Variants in DDAH1 observed in about 807,000 individuals in gnomAD.
The protein encoded by DDAH1 is dimethylarginine dimethylaminohydrolase 1, also known as N(G),N(G)-dimethylarginine dimethylaminohydrolase 1.
DDAH1 carries 19 observed loss-of-function variants against 28.8 expected under a neutral mutation model. That is an observed-to-expected ratio of 0.66 (90% CI 0.46 to 0.97). DDAH1 has a LOEUF of 0.97. Among genes scored for constraint, DDAH1 ranks in the 50% least tolerant of loss-of-function variants. The pLI, the probability that DDAH1 is intolerant of heterozygous loss-of-function variation, is 0.00. For missense variants in DDAH1, 326 were observed against 375.9 expected (o/e 0.87, Z 1.10); for synonymous variants, 153 against 154.4 (o/e 0.99, Z 0.07).
intron 1 of DDAH1, among the ~76,000 whole-genome samples, chr1:85,545,199 A>C (rs1457243898): frequency 5.3e-5 from 8 of 152,178 alleles, no homozygotes; most frequent in African/African-American, 1.9e-4. Flanking sequence ...TCTAAGGCAG[A>C]GGGAAAGAAG....
At chr1:85,566,501 A>G (rs1395849573) in intron 1 of DDAH1, among the ~76,000 whole-genome samples, 1 of 151,764 alleles carries the variant, frequency 6.6e-6, no homozygotes, top group Admixed American at 6.6e-5. Flanking sequence ...CAAAAAAAAA[A>G]AAAAAGAAAA....
chr1:85,443,210 G>A (rs1256215813), intron 1 of DDAH1, among the ~76,000 whole-genome samples: 1 of 152,144 alleles, frequency 6.6e-6, no homozygotes, highest in Admixed American at 6.5e-5. Flanking sequence ...TGTATGAGGT[G>A]TAAGGAAGGG....
chr1:85,511,768 G>A (rs1056652035), intron 1 of DDAH1, among the ~76,000 whole-genome samples: 1 of 152,150 alleles, frequency 6.6e-6, no homozygotes, highest in African/African-American at 2.4e-5. Context: ...ATAAATTCCT[G>A]GACACATACA....
chr1:85,453,178 G>T (rs1468232455), intron 1 of DDAH1, among the ~76,000 whole-genome samples: 1 of 152,154 alleles, frequency 6.6e-6, no homozygotes, highest in Non-Finnish European at 1.5e-5. Flanking sequence ...TTACTTTCAA[G>T]AAAATGTTCT....
chr1:85,483,773 A>G (rs1206656165), intron 2 of DDAH1, among the ~76,000 whole-genome samples: 1 of 152,202 alleles, frequency 6.6e-6, no homozygotes, highest in Admixed American at 6.5e-5. Context: ...GTGGGGACTC[A>G]GTGCTACAGC....
intron 1 of DDAH1, among the ~76,000 whole-genome samples, chr1:85,574,630 G>C (rs1659546697): frequency 6.6e-6 from 1 of 152,184 alleles, no homozygotes; most frequent in Admixed American, 6.5e-5. Context: ...AGTCCTGCGG[G>C]GGACGTTCAA....
At chr1:85,527,192 C>T (rs1450362438) in intron 1 of DDAH1, among the ~76,000 whole-genome samples, 1 of 152,204 alleles carries the variant, frequency 6.6e-6, no homozygotes, top group Non-Finnish European at 1.5e-5. Flanking sequence ...TTCTTCTTTA[C>T]TGAGGATCCT....
At chr1:85,513,153 A>G (rs1244383893) in intron 1 of DDAH1, among the ~76,000 whole-genome samples, 4 of 152,218 alleles carry the variant, frequency 2.6e-5, no homozygotes, top group Admixed American at 1.3e-4. Flanking sequence ...CAAAACAGAT[A>G]TATAGACCAA....
intron 1 of DDAH1, among the ~76,000 whole-genome samples, chr1:85,514,240 C>T (rs114514707): frequency 0.017 from 2,641 of 152,132 alleles, 83 homozygotes; most frequent in African/African-American, 0.058. Context: ...TGCAGGGACA[C>T]GGATGAGACT....
chr1:85,516,051 T>C (rs1657459013), intron 1 of DDAH1, among the ~76,000 whole-genome samples: 1 of 151,854 alleles, frequency 6.6e-6, no homozygotes, highest in Non-Finnish European at 1.5e-5. Context: ...CCTAATCCAC[T>C]TTTTTTCTAA....
At chr1:85,452,120 T>C (rs1403597889) in intron 1 of DDAH1, among the ~76,000 whole-genome samples, 1 of 152,198 alleles carries the variant, frequency 6.6e-6, no homozygotes. Context: ...TGAATGGCTT[T>C]ACCTTCCTAA....
intron 1 of DDAH1, among the ~76,000 whole-genome samples, chr1:85,541,998 G>A (rs949158137): frequency 5.9e-5 from 9 of 152,142 alleles, no homozygotes; most frequent in Non-Finnish European, 1.0e-4. Context: ...CAGCCTGAAT[G>A]GACTAAAACA....
At chr1:85,486,825 G>A (rs558161717) in intron 2 of DDAH1, among the ~76,000 whole-genome samples, 3 of 152,292 alleles carry the variant, frequency 2.0e-5, no homozygotes, top group Non-Finnish European at 4.4e-5. Flanking sequence ...AGAAAGGAAA[G>A]CACTTTGGGG....
intron 1 of DDAH1, among the ~76,000 whole-genome samples, chr1:85,393,594 G>A (rs754453320): frequency 1.3e-5 from 2 of 152,126 alleles, no homozygotes; most frequent in Non-Finnish European, 2.9e-5. Context: ...CTCTTTCTTT[G>A]CACCTAAAAC....
chr1:85,395,301 A>G lies in DDAH1; in HGVS notation c.304-36454T>C, dbSNP rs545007168. Among the ~76,000 whole-genome samples the G allele has an allele frequency of 4.6e-5, 7 of 152,300 alleles. No homozygotes were observed. The South Asian group carries it at 1.2e-3, about 27-fold the overall frequency. ...AACAGACTAATTTTTTTGAATGACAATTCTGTGTGGTCAGAAAGATGAGGG... is the reference window on the plus strand; with the variant it reads ...AACAGACTAATTTTTTTGAATGACAGTTCTGTGTGGTCAGAAAGATGAGGG... On this transcript the variant is annotated intron_variant, in intron 1 of 5. Coordinates refer to ENST00000284031, the MANE Select transcript of DDAH1 (RefSeq NM_012137.4).
chr1:85,336,709 T>TA (rs1179810921), intron 4 of DDAH1, among the ~76,000 whole-genome samples: 4 of 151,288 alleles, frequency 2.6e-5, no homozygotes, highest in East Asian at 1.9e-4. Flanking sequence ...GAAATAGAGT[T>TA]AAAAAATAAT....
intron 1 of DDAH1, among the ~76,000 whole-genome samples, chr1:85,551,568 C>T (rs1300311955): frequency 6.6e-6 from 1 of 152,186 alleles, no homozygotes; most frequent in Non-Finnish European, 1.5e-5. Flanking sequence ...TTACTGATCA[C>T]CTACTCCGTG....
chr1:85,437,658 A>G (rs995707171), intron 1 of DDAH1, among the ~76,000 whole-genome samples: 4 of 152,234 alleles, frequency 2.6e-5, no homozygotes, highest in African/African-American at 9.6e-5. Flanking sequence ...AGGCAACAGT[A>G]GGCTATTTGT....
chr1:85,323,259 A>G (rs778683009), intron 5 of DDAH1, among the ~76,000 whole-genome samples: 20 of 152,186 alleles, frequency 1.3e-4, no homozygotes, highest in Non-Finnish European at 2.8e-4. Flanking sequence ...AAGATCAATG[A>G]TTACTAAAGG....
Sources: allele counts gnomAD v4.1 joint callset (sites outside exome capture counted in the v4.1 genomes callset), GRCh38; gene constraint gnomAD v4.1.1; transcripts MANE v1.5; gene names NCBI Gene and HGNC (gene_info 2026-07-23, HGNC 2026-07-21).